NAV2: variants seen among roughly 807,000 people sequenced by gnomAD.
NAV2 encodes the protein neuron navigator 2, also known as helicase, APC down-regulated 1.
Under a neutral mutation model 223.2 loss-of-function variants are expected in NAV2, and 54 were observed. The observed-to-expected ratio is 0.24, with a 90% CI of 0.19 to 0.30. The LOEUF is 0.30. NAV2 is among the 10% of genes least tolerant of loss of function. NAV2 has a pLI of 1.00. For synonymous variants in NAV2, 1,279 were observed against 1,239.3 expected, an observed-to-expected ratio of 1.03 and a Z score of -0.67; for missense variants, 2,806 against 3,147.5, an observed-to-expected ratio of 0.89 and a Z score of 2.60.
chr11:19,673,410 GA>G (rs1476362454), intron 1 of NAV2, among the ~76,000 whole-genome samples: 1 of 152,180 alleles, frequency 6.6e-6, no homozygotes, highest in Non-Finnish European at 1.5e-5. Flanking sequence ...ATGAAGAACA[GA>G]AAGGTGAAGT....
chr11:19,347,877 T>C (rs996963951), upstream of NAV2, among the ~76,000 whole-genome samples: 3 of 152,212 alleles, frequency 2.0e-5, no homozygotes, highest in East Asian at 1.9e-4. Context: ...CATCAGGGCA[T>C]ACTCTCTTGA....
chr11:19,777,766 ATC>A (rs1287850770), intron 1 of NAV2: 7 of 433,744 alleles, frequency 1.6e-5, no homozygotes, highest in African/African-American at 1.4e-4. Context: ...GGGCTGCATT[ATC>A]TCTCCGTCCC....
At chr11:19,536,421 T>A (rs142818988) in intron 1 of NAV2, among the ~76,000 whole-genome samples, 113 of 152,304 alleles carry the variant, frequency 7.4e-4, no homozygotes, top group African/African-American at 2.6e-3. Context: ...TGCTACTGAT[T>A]GTGGTCCAGG....
In NAV2 at chr11:20,055,839, T is replaced by A. The variant is rs768150487; in HGVS notation, c.4713T>A (p.Asn1571Lys). The change falls in exon 19 of 38, where the codon AAT (asparagine) becomes AAA (lysine). Residue 1571 changes from asparagine (N) to lysine (K), a missense_variant. Around this residue, in one of 4 missense-constraint regions of NAV2, gnomAD observed 742 missense variants for 777.9 expected, o/e 0.95. Coordinates refer to ENST00000349880, the MANE Select transcript of NAV2 (RefSeq NM_145117.5). ...TGCTGAGGACTCACAGCCTCTCCAA[T>A]GCTGATGGGCAGTATGATCCATACA... ...PTMLRTHSLSNADGQYDPYTD... is the reference protein window; with the variant it reads ...PTMLRTHSLSKADGQYDPYTD... 1 of 1,614,186 alleles carries A rather than the reference T, an allele frequency of 6.2e-7. No individual in the cohort carries two copies. The highest frequency in any genetic ancestry group is 1.1e-5 in the South Asian group (1 of 91,076).
intron 1 of NAV2, among the ~76,000 whole-genome samples, chr11:19,550,663 G>A (rs1020059923): frequency 2.0e-5 from 3 of 152,242 alleles, no homozygotes; most frequent in Admixed American, 1.3e-4. Flanking sequence ...TGCCCACAAT[G>A]CTGTGGCTTC....
intron 1 of NAV2, among the ~76,000 whole-genome samples, chr11:19,605,086 T>C (rs1331280568): frequency 6.6e-6 from 1 of 152,156 alleles, no homozygotes; most frequent in Non-Finnish European, 1.5e-5. Flanking sequence ...AGGCCTCCAG[T>C]TGGTGAATTG....
intron 1 of NAV2, among the ~76,000 whole-genome samples, chr11:19,472,331 C>A (rs2041988887): frequency 6.6e-6 from 1 of 152,094 alleles, no homozygotes; most frequent in South Asian, 2.1e-4. Context: ...ATTATTTCAC[C>A]ACTCTGTGCC....
chr11:19,484,866 C>T (rs2042391340), intron 1 of NAV2, among the ~76,000 whole-genome samples: 1 of 152,224 alleles, frequency 6.6e-6, no homozygotes, highest in South Asian at 2.1e-4. Context: ...GCCTGCTTTC[C>T]TGCCCCAGCC....
intron 1 of NAV2, among the ~76,000 whole-genome samples, chr11:19,738,508 G>C (rs975140752): frequency 9.9e-5 from 15 of 152,190 alleles, no homozygotes; most frequent in Admixed American, 6.5e-4. Context: ...TTTCCTAATG[G>C]GGAACTGTGG....
At chr11:19,489,327 G>A (rs189215881) in intron 1 of NAV2, among the ~76,000 whole-genome samples, 16 of 152,294 alleles carry the variant, frequency 1.1e-4, no homozygotes, top group Middle Eastern at 3.4e-3. Context: ...AGGGCAATGT[G>A]AAAATTGTGA....
At chr11:19,877,319 G>A (rs1249574372) in intron 4 of NAV2, among the ~76,000 whole-genome samples, 1 of 151,894 alleles carries the variant, frequency 6.6e-6, no homozygotes, top group Non-Finnish European at 1.5e-5. Flanking sequence ...ACTGTAAAAG[G>A]CACTAAAAGT....
At chr11:20,081,741 A>G (rs1417762157) in intron 25 of NAV2, among the ~76,000 whole-genome samples, 2 of 152,238 alleles carry the variant, frequency 1.3e-5, no homozygotes, top group Non-Finnish European at 2.9e-5. Flanking sequence ...ATCAGTTTTT[A>G]GAATGGCCTG....
chr11:19,624,621 G>A (rs984462583), intron 1 of NAV2, among the ~76,000 whole-genome samples: 6 of 152,198 alleles, frequency 3.9e-5, no homozygotes, highest in African/African-American at 1.2e-4. Context: ...GTATTAGGGT[G>A]GGAGTGACCC....
intron 6 of NAV2, among the ~76,000 whole-genome samples, chr11:19,926,452 C>T (rs2153233109): frequency 6.6e-6 from 1 of 152,212 alleles, no homozygotes; most frequent in East Asian, 1.9e-4. Context: ...TAATATTAGA[C>T]ATTGACACAG....
At chr11:19,988,665 C>T (rs958145795) in intron 11 of NAV2, among the ~76,000 whole-genome samples, 9 of 152,150 alleles carry the variant, frequency 5.9e-5, no homozygotes, top group African/African-American at 2.2e-4. Flanking sequence ...GCATCCAGGG[C>T]CTTGGCACTC....
chr11:19,773,016 A>G (rs2055842268), intron 1 of NAV2, among the ~76,000 whole-genome samples: 1 of 152,192 alleles, frequency 6.6e-6, no homozygotes, highest in Non-Finnish European at 1.5e-5. Flanking sequence ...TGAAGAAAAG[A>G]AGGTCCACTG....
chr11:19,507,980 A>G (rs1038230991), intron 1 of NAV2, among the ~76,000 whole-genome samples: 3 of 152,250 alleles, frequency 2.0e-5, no homozygotes, highest in Non-Finnish European at 2.9e-5. Context: ...CCCTGGGATG[A>G]GGATTAATAA....
chr11:19,652,800 A>T (rs2048007929), intron 1 of NAV2, among the ~76,000 whole-genome samples: 1 of 152,228 alleles, frequency 6.6e-6, no homozygotes, highest in Admixed American at 6.5e-5. Flanking sequence ...TCCCATACAT[A>T]GCATTCTCCA....
intron 4 of NAV2, among the ~76,000 whole-genome samples, chr11:19,877,472 T>TTTTTTTTTTTTTTTTTTTCTTTTC (rs2062918261): frequency 8.5e-6 from 1 of 117,838 alleles, no homozygotes; most frequent in African/African-American, 3.6e-5. Flanking sequence ...TCTTCATTCT[T>TTTTTTTTTTTTTTTTTTTCTTTTC]TTTTTTTTTT....
Sources: gnomAD v4.1 joint callset for allele counts (sites outside exome capture counted in the v4.1 genomes callset) on GRCh38, gnomAD v4.1.1 for gene constraint, gnomAD v4.1.1 regional missense constraint, MANE v1.5 for transcripts, NCBI Gene and HGNC (gene_info 2026-07-23, HGNC 2026-07-21) for gene names.